RNF157: variants seen among roughly 807,000 people sequenced by gnomAD.
RNF157 encodes E3 ubiquitin ligase RNF157.
In RNF157, 55 loss-of-function variants were observed where a neutral mutation model predicts 88.3. The observed-to-expected ratio is 0.62, with a 90% CI of 0.50 to 0.78. The LOEUF is 0.78. Ranked by LOEUF, RNF157 falls within the 30% of genes least tolerant of loss-of-function variation. RNF157 has a pLI of 0.00. For synonymous variants in RNF157, 334 were observed against 341.2 expected (o/e 0.98, Z 0.23); for missense variants, 788 against 860.8 (o/e 0.92, Z 1.06).
intron 2 of RNF157, among the ~76,000 whole-genome samples, chr17:76,198,122 G>C (rs994946787): frequency 6.6e-6 from 1 of 152,176 alleles, no homozygotes; most frequent in African/African-American, 2.4e-5. Flanking sequence ...TTACTCAACC[G>C]GGGCCTGCTG....
At chr17:76,194,085 T>C (rs918369822) in intron 2 of RNF157, among the ~76,000 whole-genome samples, 2 of 152,194 alleles carry the variant, frequency 1.3e-5, no homozygotes, top group Non-Finnish European at 2.9e-5. Context: ...CAAGGTATAA[T>C]TTATATACAG....
intron 8 of RNF157, chr17:76,162,850 G>A: frequency 2.5e-6 from 1 of 406,734 alleles, no homozygotes; most frequent in Non-Finnish European, 4.3e-6. Flanking sequence ...TATACAACAG[G>A]GAACATAAAA....
At chr17:76,173,857 C>T in intron 2 of RNF157, 67 bp from the exon 3 acceptor site, 3 of 1,372,834 alleles carry the variant, frequency 2.2e-6, no homozygotes, top group African/African-American at 1.4e-5. Context: ...CCTCGCTTTA[C>T]AGTTTGCCAA....
chr17:76,233,255 T>C (rs2070226162), intron 1 of RNF157, among the ~76,000 whole-genome samples: 1 of 152,196 alleles, frequency 6.6e-6, no homozygotes, highest in African/African-American at 2.4e-5. Flanking sequence ...TTTGTCTCCA[T>C]AATATTGAGT....
Position 76,158,495 on chromosome 17 carries a change from A to T in RNF157, c.1311T>A (p.Thr437=), listed in dbSNP as rs1258624354. 1 of 1,612,022 alleles carries T rather than the reference A, an allele frequency of 6.2e-7. No homozygotes were observed. The highest frequency in any genetic ancestry group is 1.7e-5 in the Admixed American group (1 of 60,016). Reference sequence around the variant, plus strand: ...CATGCAGCACGGAAGAGTTTTGGGAAGTGGATCTGTAGGAGTCCAGTGGAA... The same window carrying T: ...CATGCAGCACGGAAGAGTTTTGGGATGTGGATCTGTAGGAGTCCAGTGGAA... The part of the protein sequence containing the change: ...LKLKKSLSKS[T]SQNSSVLHEE... Residue 437 remains threonine (T), a synonymous_variant, in exon 13 of 19, where the codon ACT becomes ACA. Coordinates refer to ENST00000269391, the MANE Select transcript of RNF157 (RefSeq NM_052916.3).
intron 13 of RNF157, among the ~76,000 whole-genome samples, chr17:76,156,935 T>A (rs2068774241): frequency 6.6e-6 from 1 of 151,946 alleles, no homozygotes; most frequent in South Asian, 2.1e-4. Flanking sequence ...TCCTCTTTTG[T>A]CTTAGTTCAC....
In RNF157 at chr17:76,155,379, C is replaced by T. The variant is rs2068747069; in HGVS notation, c.1699-62G>A. The T allele has an allele frequency of 1.9e-6, 3 of 1,556,998 alleles. No individual in the cohort carries two copies. The South Asian group carries it at 3.4e-5, about 17-fold the overall frequency. On this transcript the variant is annotated intron_variant, in intron 15 of 18. Transcript: ENST00000269391. Reference sequence around the variant, plus strand: ...AAGGTCTCGTGACAGCAAACCCAAACCTTCTTCAGAACAAAATTGGTGTCA... The same window carrying T: ...AAGGTCTCGTGACAGCAAACCCAAATCTTCTTCAGAACAAAATTGGTGTCA...
At chr17:76,169,421 A>G (rs1032031422) in intron 3 of RNF157, among the ~76,000 whole-genome samples, 8 of 151,856 alleles carry the variant, frequency 5.3e-5, no homozygotes, top group African/African-American at 1.9e-4. Context: ...TTTGTTTCCA[A>G]TTAGATTTTT....
chr17:76,226,104 T>A (rs947552506), intron 1 of RNF157: 1 of 1,600,096 alleles, frequency 6.2e-7, no homozygotes, highest in African/African-American at 1.4e-5. Context: ...GTAGAGGGGC[T>A]ATGCTGAGGA....
chr17:76,217,012 G>T (rs889997699), intron 1 of RNF157, among the ~76,000 whole-genome samples: 1 of 152,134 alleles, frequency 6.6e-6, no homozygotes, highest in African/African-American at 2.4e-5. Context: ...TGGCAAAATT[G>T]TTCTTACTTT....
At chr17:76,197,060 C>A (rs1453716019) in intron 2 of RNF157, among the ~76,000 whole-genome samples, 1 of 152,094 alleles carries the variant, frequency 6.6e-6, no homozygotes, top group Non-Finnish European at 1.5e-5. Flanking sequence ...CAACCTAAAC[C>A]GGTTGATATC....
chr17:76,194,416 C>G (rs2069439158), intron 2 of RNF157, among the ~76,000 whole-genome samples: 1 of 152,130 alleles, frequency 6.6e-6, no homozygotes, highest in Non-Finnish European at 1.5e-5. Flanking sequence ...AATAGTGAAG[C>G]CAGTCTGATG....
In RNF157 at chr17:76,146,716, G is replaced by A; in HGVS notation, c.1922-1363C>T. ...CCGCTAGGTCCTGGAGCTCCTCCAT[G>A]GGACAAAGCTCCTCCTGGGCAGGGG... is the stretch of plus-strand genomic sequence containing the variant. On this transcript the variant is annotated intron_variant, in intron 18 of 18. Transcript: ENST00000269391. This position sits in a 1 kb window ranked among gnomAD's most constrained non-coding sequence, Gnocchi z 4.2. 2 of 985,470 alleles carry A rather than the reference G, an allele frequency of 2.0e-6. No individual in the cohort carries two copies. Among genetic ancestry groups the A allele is most frequent in the Non-Finnish European group, 2.4e-6 (2 of 829,928 alleles). The allele number at this position is 985,470 out of a possible 1,614,324, so 61.0% of individuals were successfully genotyped here.
intron 2 of RNF157, among the ~76,000 whole-genome samples, chr17:76,180,283 A>G (rs1362211305): frequency 6.6e-6 from 1 of 152,222 alleles, no homozygotes; most frequent in Admixed American, 6.5e-5. Context: ...ATCAAGACTC[A>G]TGAACAAAGA....
At chr17:76,187,179 TTTC>T (rs575561846) in intron 2 of RNF157, among the ~76,000 whole-genome samples, 271 of 152,030 alleles carry the variant, frequency 1.8e-3, no homozygotes, top group African/African-American at 6.2e-3. Context: ...ATTTTCTTTT[TTTC>T]TTCTTCTTTT....
At chr17:76,197,451 C>G (rs1401091952) in intron 2 of RNF157, among the ~76,000 whole-genome samples, 1 of 152,062 alleles carries the variant, frequency 6.6e-6, no homozygotes, top group Non-Finnish European at 1.5e-5. Flanking sequence ...TCACTTGAGG[C>G]CAGGTGTTTG....
chr17:76,239,775 G>C (rs185904423), intron 1 of RNF157, among the ~76,000 whole-genome samples: 57 of 152,256 alleles, frequency 3.7e-4, no homozygotes, highest in South Asian at 4.1e-4. Context: ...TAGGCTTTGG[G>C]CCGGGCCGGC....
At chr17:76,221,864 TACA>T in intron 1 of RNF157, among the ~76,000 whole-genome samples, 1 of 152,330 alleles carries the variant, frequency 6.6e-6, no homozygotes, top group South Asian at 2.1e-4. Context: ...TGATACATGC[TACA>T]ACATGAATGA....
intron 17 of RNF157, chr17:76,154,056 C>G (rs1216274061): frequency 3.7e-6 from 2 of 539,560 alleles, no homozygotes; most frequent in African/African-American, 3.8e-5. Context: ...GCAGCACCCG[C>G]ACCTGACATC....
Sources: gnomAD v4.1 joint callset for allele counts (sites outside exome capture counted in the v4.1 genomes callset) on GRCh38, gnomAD v4.1.1 for gene constraint, Gnocchi (gnomAD v3.1) non-coding constraint, MANE v1.5 for transcripts, NCBI Gene and HGNC (gene_info 2026-07-23, HGNC 2026-07-21) for gene names.